CACNA2D1: variants seen among roughly 807,000 people sequenced by gnomAD.
The protein encoded by CACNA2D1 is voltage-dependent calcium channel subunit alpha-2/delta-1.
CACNA2D1 carries 53 observed loss-of-function variants against 171.5 expected under a neutral mutation model. The observed-to-expected ratio is 0.31, with a 90% CI of 0.25 to 0.39. The LOEUF is 0.39. CACNA2D1 is among the 10% of genes least tolerant of loss of function. The pLI, the probability that CACNA2D1 is intolerant of heterozygous loss-of-function variation, is 1.00. For synonymous variants in CACNA2D1, 442 were observed against 443.1 expected, an observed-to-expected ratio of 1.00 and a Z score of 0.03; for missense variants, 903 against 1,299.8, an observed-to-expected ratio of 0.69 and a Z score of 4.69.
intron 3 of CACNA2D1, among the ~76,000 whole-genome samples, chr7:82,208,676 T>C (rs956266716): frequency 2.0e-5 from 3 of 152,166 alleles, no homozygotes; most frequent in African/African-American, 7.2e-5. Context: ...GCATTCATTA[T>C]CATTATCAAA....
chr7:81,962,032 G>A lies in CACNA2D1; in HGVS notation c.2837-9C>T. 6.2e-7 allele frequency: 1 copy of A among 1,612,062 alleles called. No individual in the cohort carries two copies. The highest frequency in any genetic ancestry group is 1.7e-4 in the Middle Eastern group (1 of 6,038). On this transcript the variant is annotated splice_polypyrimidine_tract_variant and intron_variant, in intron 35 of 38. Coordinates refer to ENST00000356860, the MANE Select transcript of CACNA2D1 (RefSeq NM_000722.4). ...ATCATCCTCCATCTCAACTTGGGTG[G>A]CGGGGGACGGTGTAAAAACAAAGAA...
chr7:82,078,105 C>T lies in CACNA2D1; in HGVS notation c.658+6664G>A, dbSNP rs990173084. Among the ~76,000 whole-genome samples, 6 of 152,048 alleles carry T rather than the reference C, an allele frequency of 3.9e-5. No homozygotes were observed. In the South Asian group the frequency reaches 1.0e-3, roughly 26 times the overall value. On this transcript the variant is annotated intron_variant, in intron 7 of 38. Transcript: ENST00000356860. ...AGCAGAAATAGCAACAAGAAGATGT[C>T]TCTCAGAGGTCTACTTTACATTAAC...
chr7:82,229,623 A>G (rs1300284872), intron 3 of CACNA2D1, among the ~76,000 whole-genome samples: 1 of 151,938 alleles, frequency 6.6e-6, no homozygotes, highest in Non-Finnish European at 1.5e-5. Flanking sequence ...CAACAATCCC[A>G]ATCAGAGCAC....
At chr7:82,234,522 T>C (rs1803321365) in intron 3 of CACNA2D1, among the ~76,000 whole-genome samples, 1 of 152,166 alleles carries the variant, frequency 6.6e-6, no homozygotes, top group Admixed American at 6.5e-5. Flanking sequence ...GATGTCTTTA[T>C]TGCCTCTGTA....
rs115506392 is a variant in CACNA2D1, at chr7:82,217,508, T to C, written c.295-46899A>G. Among the ~76,000 whole-genome samples, 861 of 147,770 alleles carry C rather than the reference T, an allele frequency of 5.8e-3. 12 individuals carry two copies. Among genetic ancestry groups the C allele is most frequent in the African/African-American group, 0.021 (823 of 39,440 alleles). On this transcript the variant is annotated intron_variant, in intron 3 of 38. Coordinates refer to ENST00000356860, the MANE Select transcript of CACNA2D1 (RefSeq NM_000722.4). ...AATTCAATCCATTTCCAAAGTCAACTAAAAAGTTTTTTTTTAATGAAAGAG... is the reference window on the plus strand; with the variant it reads ...AATTCAATCCATTTCCAAAGTCAACCAAAAAGTTTTTTTTTAATGAAAGAG...
intron 3 of CACNA2D1, among the ~76,000 whole-genome samples, chr7:82,272,844 G>T (rs542621281): frequency 6.6e-6 from 1 of 152,206 alleles, no homozygotes; most frequent in South Asian, 2.1e-4. Flanking sequence ...GCAGCACCAG[G>T]TAAGCCATCA....
intron 3 of CACNA2D1, among the ~76,000 whole-genome samples, chr7:82,320,842 T>C (rs1815724617): frequency 6.8e-6 from 1 of 146,958 alleles, no homozygotes; most frequent in Admixed American, 6.8e-5. Flanking sequence ...AAAAATAAAC[T>C]ATCAGTAGGA....
chr7:82,360,050 G>A (rs1247914698), intron 1 of CACNA2D1, among the ~76,000 whole-genome samples: 1 of 152,208 alleles, frequency 6.6e-6, no homozygotes, highest in Non-Finnish European at 1.5e-5. Flanking sequence ...TGGCAGAGCA[G>A]TTTGCCCTGA....
intron 3 of CACNA2D1, among the ~76,000 whole-genome samples, chr7:82,222,677 A>T (rs1398018493): frequency 6.6e-6 from 1 of 151,926 alleles, no homozygotes; most frequent in Non-Finnish European, 1.5e-5. Context: ...TTCCTTTAAC[A>T]TGGGCTATTA....
intron 6 of CACNA2D1, among the ~76,000 whole-genome samples, chr7:82,100,697 G>T (rs986173576): frequency 6.6e-6 from 1 of 152,104 alleles, no homozygotes; most frequent in Non-Finnish European, 1.5e-5. Context: ...ATACACATGT[G>T]TATTTATGCC....
At chr7:82,217,910 A>G (rs909205740) in intron 3 of CACNA2D1, among the ~76,000 whole-genome samples, 1 of 143,766 alleles carries the variant, frequency 7.0e-6, no homozygotes, top group African/African-American at 2.6e-5. Flanking sequence ...CCAAGACTAC[A>G]TTATTTATTT....
intron 4 of CACNA2D1, among the ~76,000 whole-genome samples, chr7:82,163,820 A>G (rs180843609): frequency 2.0e-4 from 30 of 152,136 alleles, no homozygotes; most frequent in Admixed American, 2.6e-4. Context: ...GACTGTGCCA[A>G]CTTGCTTGTG....
At chr7:82,154,267 A>AT (rs1366023652) in intron 4 of CACNA2D1, among the ~76,000 whole-genome samples, 1 of 152,194 alleles carries the variant, frequency 6.6e-6, no homozygotes, top group African/African-American at 2.4e-5. Flanking sequence ...ATCACTTTTA[A>AT]TTTTTTAAAT....
At chr7:82,437,771 T>G (rs1470312515) in intron 1 of CACNA2D1, among the ~76,000 whole-genome samples, 4 of 152,150 alleles carry the variant, frequency 2.6e-5, no homozygotes, top group Admixed American at 6.6e-5. Flanking sequence ...AGTAGCTGAT[T>G]CTATGTACTG....
rs375231530 is a variant in CACNA2D1 at position 82,289,475 on chromosome 7, G to A, written c.294+45660C>T. On this transcript the variant is annotated intron_variant, in intron 3 of 38. Transcript: ENST00000356860. ...AGAATAAAAAGGTAGGTAAAAATGG[G>A]ACTAGAATTGAACACAGTAAAAAGG... Among the ~76,000 whole-genome samples, 18 of 152,244 alleles carry A rather than the reference G, an allele frequency of 1.2e-4. No individual in the cohort carries two copies. In the East Asian group the frequency reaches 3.3e-3, roughly 28 times the overall value.
intron 5 of CACNA2D1, among the ~76,000 whole-genome samples, chr7:82,129,475 T>C (rs529817836): frequency 3.7e-4 from 56 of 152,336 alleles, no homozygotes; most frequent in Non-Finnish European, 7.2e-4. Context: ...TGAAGAGTAC[T>C]TCTCAAACTT....
intron 3 of CACNA2D1, among the ~76,000 whole-genome samples, chr7:82,287,405 G>A (rs889354694): frequency 6.6e-6 from 1 of 152,046 alleles, no homozygotes; most frequent in Non-Finnish European, 1.5e-5. Context: ...GGATGTTCTG[G>A]AGAAATAACC....
rs186524166 is a variant in CACNA2D1 at position 82,042,835 on chromosome 7, T to C, written c.880-4600A>G. 2.0e-4 allele frequency among the ~76,000 whole-genome samples: 31 copies of C among 152,278 alleles called. 1 individual carries two copies. In the East Asian group the frequency reaches 5.8e-3, roughly 28 times the overall value. ...CATGACCTTCCCTGACTAGATTAAG[T>C]CACCCAATACTAAGCTCTCTTAAAT... is the stretch of plus-strand genomic sequence containing the variant. On this transcript the variant is annotated intron_variant, in intron 10 of 38. Coordinates refer to ENST00000356860, the MANE Select transcript of CACNA2D1 (RefSeq NM_000722.4).
chr7:82,102,485 T>TATAC (rs1469304392), intron 6 of CACNA2D1, among the ~76,000 whole-genome samples: 1 of 151,104 alleles, frequency 6.6e-6, no homozygotes, highest in African/African-American at 2.4e-5. Context: ...TACATATATA[T>TATAC]ACACACACAC....
Sources: allele counts gnomAD v4.1 joint callset (sites outside exome capture counted in the v4.1 genomes callset), GRCh38; gene constraint gnomAD v4.1.1; transcripts MANE v1.5; gene names NCBI Gene and HGNC (gene_info 2026-07-23, HGNC 2026-07-21).